The following KANK1 variants were observed in gnomAD, a reference collection of about 807,000 sequenced individuals.
KANK1 encodes KN motif and ankyrin repeat domain-containing protein 1.
Under a neutral mutation model 106.2 loss-of-function variants are expected in KANK1, and 109 were observed. That is an observed-to-expected ratio of 1.03 (90% CI 0.88 to 1.20). The LOEUF is 1.20. Ranked by LOEUF, KANK1 falls within the 50% of genes most tolerant of loss-of-function variation. The probability of loss-of-function intolerance (pLI) is 0.00; values close to 1 mark genes in which losing one functional copy is unlikely to be tolerated. For synonymous variants in KANK1, 873 were observed against 652.2 expected (o/e 1.34, Z -5.16); for missense variants, 2,399 against 1,710.7 (o/e 1.40, Z -7.10).
chr9:592,425 A>G (rs1035586340), intron 1 of KANK1, among the ~76,000 whole-genome samples: 8 of 151,790 alleles, frequency 5.3e-5, no homozygotes, highest in African/African-American at 1.9e-4. Flanking sequence ...AAATGCCCGC[A>G]GCACTGGCTT....
chr9:726,446 C>G lies in KANK1; in HGVS notation c.2699-3605C>G, dbSNP rs189242812. Among the ~76,000 whole-genome samples the G allele has an allele frequency of 1.4e-3, 213 of 152,226 alleles. 3 individuals are homozygous for G. The highest frequency in any genetic ancestry group is 6.0e-4 in the Non-Finnish European group (41 of 67,994). On this transcript the variant is annotated intron_variant, in intron 3 of 11. Coordinates refer to ENST00000382297, the MANE Select transcript of KANK1 (RefSeq NM_015158.5). Reference sequence around the variant, plus strand: ...CTGAGGTCAGGAGTTCGAGTCCAACCTGGCCAACATGGTGAAACCGAGTCT... The same window carrying G: ...CTGAGGTCAGGAGTTCGAGTCCAACGTGGCCAACATGGTGAAACCGAGTCT...
intron 2 of KANK1, among the ~76,000 whole-genome samples, chr9:694,220 A>T (rs1013316760): frequency 6.6e-6 from 1 of 152,094 alleles, no homozygotes; most frequent in Non-Finnish European, 1.5e-5. Flanking sequence ...GCTTTCCACT[A>T]CCACCCCACC....
intron 1 of KANK1, among the ~76,000 whole-genome samples, chr9:608,717 A>G (rs1317009475): frequency 6.6e-6 from 1 of 152,174 alleles, no homozygotes; most frequent in Non-Finnish European, 1.5e-5. Flanking sequence ...GTTGTCAGTT[A>G]TTAGGGTGTG....
chr9:629,829 T>A (rs1835242500), intron 1 of KANK1, among the ~76,000 whole-genome samples: 1 of 152,232 alleles, frequency 6.6e-6, no homozygotes, highest in Admixed American at 6.5e-5. Flanking sequence ...GAGAGGACCA[T>A]ATTTTAAACA....
rs753656946 is a variant in KANK1, at chr9:712,130, T to C, written c.1364T>C (p.Ile455Thr). ...GTGATGACTGAAGCTGACAAAGAAA[T>C]TGAGCTGCAACAGCAGACCATAGAA... The part of the protein sequence containing the change: ...LGVMTEADKE[I>T]ELQQQTIESL... The change falls in exon 3 of 12, where the codon ATT (isoleucine) becomes ACT (threonine). Residue 455 changes from isoleucine (I) to threonine (T), a missense_variant. Ile to Thr is a moderately conservative substitution (Grantham distance 89). Transcript: ENST00000382297. The C allele has an allele frequency of 1.9e-6, 3 of 1,613,932 alleles. No homozygotes were observed. Among genetic ancestry groups the C allele is most frequent in the Non-Finnish European group, 1.7e-6 (2 of 1,180,008 alleles).
rs72689654 is a variant in KANK1, at chr9:589,956, C to G, written c.-84+85202C>G. ...ACCCCTTAGGCATGCTGAGGATTTC[C>G]TTGCCAGATGATGTAACTATCTGAG... On this transcript the variant is annotated intron_variant, in intron 1 of 11. Coordinates refer to ENST00000382297, the MANE Select transcript of KANK1 (RefSeq NM_015158.5). Among the ~76,000 whole-genome samples the G allele has an allele frequency of 4.6e-3, 698 of 152,234 alleles. 9 individuals are homozygous for G. Among genetic ancestry groups the G allele is most frequent in the African/African-American group, 0.016 (656 of 41,554 alleles).
intron 1 of KANK1, among the ~76,000 whole-genome samples, chr9:579,447 T>C (rs1821455925): frequency 6.6e-6 from 1 of 152,212 alleles, no homozygotes; most frequent in Non-Finnish European, 1.5e-5. Flanking sequence ...CTCTGTGTGT[T>C]GTCCCTGCTT....
At chr9:491,894 C>G (rs1248463517) in intron 3 of KANK1, among the ~76,000 whole-genome samples, 1 of 152,220 alleles carries the variant, frequency 6.6e-6, no homozygotes, top group Non-Finnish European at 1.5e-5. Flanking sequence ...TTTCCCTACA[C>G]AAGCCCTCTC....
rs748334026 is a variant in KANK1, at chr9:711,577, C to G, written c.811C>G (p.Leu271Val). 2.3e-5 allele frequency: 37 copies of G among 1,613,956 alleles called. No individual in the cohort carries two copies. Among genetic ancestry groups the G allele is most frequent in the Non-Finnish European group, 2.9e-5 (34 of 1,179,990 alleles). The change falls in exon 3 of 12, where the codon CTG becomes GTG. Residue 271 changes from leucine to valine, a missense_variant. Physicochemically the swap from Leu to Val is conservative, Grantham distance 32 (BLOSUM62 1). Transcript: ENST00000382297. ...QHIREQMAIA[L>V]KRLKELEEQV... ...CATCCGCGAGCAGATGGCCATTGCT[C>G]TGAAACGCCTGAAGGAGCTGGAGGA...
At chr9:590,198 G>A (rs1057088870) in intron 1 of KANK1, among the ~76,000 whole-genome samples, 1 of 152,012 alleles carries the variant, frequency 6.6e-6, no homozygotes. Context: ...CTTTTTAGGG[G>A]GTACATGGTT....
intron 1 of KANK1, among the ~76,000 whole-genome samples, chr9:558,486 T>G (rs1278088414): frequency 3.9e-5 from 6 of 152,226 alleles, no homozygotes; most frequent in African/African-American, 4.8e-5. Flanking sequence ...TAAAGATACC[T>G]TGTTTAATAT....
At position 730,198 on chromosome 9, in the gene KANK1, C is replaced by G; in HGVS notation, c.2846C>G (p.Thr949Arg). Residue 949 changes from threonine (T) to arginine (R), a missense_variant, in exon 4 of 12, where the codon ACG becomes AGG. Physicochemically the swap from Thr to Arg is moderately conservative, Grantham distance 71 (BLOSUM62 -1). Coordinates refer to ENST00000382297, the MANE Select transcript of KANK1 (RefSeq NM_015158.5). Reference sequence around the variant, plus strand: ...GATGCCTTCCCCACTCAGGAAGGTACGCTGTCTCCAGTGAACCTGACAGAC... The same window carrying G: ...GATGCCTTCCCCACTCAGGAAGGTAGGCTGTCTCCAGTGAACCTGACAGAC... ...SLDAFPTQEGTLSPVNLTDDQ... is the reference protein window; with the variant it reads ...SLDAFPTQEGRLSPVNLTDDQ... 2 of 1,614,204 alleles carry G rather than the reference C, an allele frequency of 1.2e-6. No homozygotes were observed. The highest frequency in any genetic ancestry group is 1.3e-5 in the African/African-American group (1 of 75,048).
chr9:662,065 TC>T (rs1457413422), intron 1 of KANK1, among the ~76,000 whole-genome samples: 12 of 152,116 alleles, frequency 7.9e-5, no homozygotes, highest in Admixed American at 3.3e-4. Flanking sequence ...ATGAGTGAAC[TC>T]CCATTCACAA....
At chr9:737,457 G>GAAA (rs1834095290) in intron 7 of KANK1, among the ~76,000 whole-genome samples, 2 of 152,130 alleles carry the variant, frequency 1.3e-5, no homozygotes, top group Admixed American at 6.6e-5. Context: ...TCATATGAAG[G>GAAA]CCCATTGAAA....
intron 3 of KANK1, among the ~76,000 whole-genome samples, chr9:479,160 C>G (rs1472647254): frequency 1.3e-5 from 2 of 152,174 alleles, no homozygotes; most frequent in Non-Finnish European, 2.9e-5. Context: ...TTATATCGTG[C>G]TCTTTGTAAA....
chr9:741,712 C>A (rs943981136), intron 9 of KANK1, among the ~76,000 whole-genome samples: 1 of 152,044 alleles, frequency 6.6e-6, no homozygotes, highest in Non-Finnish European at 1.5e-5. Context: ...TGGTCTTGAT[C>A]TCCTGACCTC....
At chr9:535,011 C>T (rs2060232940) in intron 1 of KANK1, among the ~76,000 whole-genome samples, 1 of 152,242 alleles carries the variant, frequency 6.6e-6, no homozygotes, top group East Asian at 1.9e-4. Flanking sequence ...CCCCCTTTGC[C>T]CCTCCTGCTG....
At chr9:724,066 A>C (rs1017642569) in intron 3 of KANK1, among the ~76,000 whole-genome samples, 10 of 151,990 alleles carry the variant, frequency 6.6e-5, no homozygotes, top group African/African-American at 2.4e-4. Context: ...ACGCCACTGC[A>C]CTCCAGCCTG....
chr9:654,812 TGTGAGAGAGAGAGAGAGA>T (rs1277597611), intron 1 of KANK1, among the ~76,000 whole-genome samples: 7 of 134,728 alleles, frequency 5.2e-5, no homozygotes, highest in East Asian at 2.4e-4. Flanking sequence ...TGTGTGTGTG[TGTGAGAGAGAGAGAGAGA>T]GAGAGAGAGA....
Sources: allele counts gnomAD v4.1 joint callset (sites outside exome capture counted in the v4.1 genomes callset), GRCh38; gene constraint gnomAD v4.1.1; transcripts MANE v1.5; gene names NCBI Gene and HGNC (gene_info 2026-07-23, HGNC 2026-07-21).